The following IQCH variants were observed in gnomAD, a reference collection of about 807,000 sequenced individuals.
IQCH encodes IQ motif containing H.
In IQCH, 98 loss-of-function variants were observed where a neutral mutation model predicts 117.0. That is an observed-to-expected ratio of 0.84 (90% CI 0.71 to 0.99). The LOEUF (loss-of-function observed/expected upper bound fraction) is 0.99. Ranked by LOEUF, IQCH falls within the 50% of genes least tolerant of loss-of-function variation. The pLI is 0.00. For synonymous variants in IQCH, 412 were observed against 448.2 expected (o/e 0.92, Z 1.02); for missense variants, 1,102 against 1,243.8 (o/e 0.89, Z 1.72).
At chr15:67,336,425 T>C (rs1345255862) in intron 4 of IQCH, among the ~76,000 whole-genome samples, 4 of 152,206 alleles carry the variant, frequency 2.6e-5, no homozygotes, top group African/African-American at 7.2e-5. Context: ...GTAACTGTAA[T>C]AAAAGCATTT....
intron 12 of IQCH, among the ~76,000 whole-genome samples, chr15:67,394,974 G>C (rs927857193): frequency 3.3e-5 from 5 of 152,142 alleles, no homozygotes; most frequent in Non-Finnish European, 5.9e-5. Flanking sequence ...AAGTGTTGCA[G>C]AGATGACTTG....
intron 4 of IQCH, among the ~76,000 whole-genome samples, chr15:67,287,490 AG>A (rs1966606199): frequency 6.6e-6 from 1 of 152,148 alleles, no homozygotes. Flanking sequence ...TTCATGGTTT[AG>A]ACATAGTAGG....
chr15:67,484,153 G>A (rs2083411168), intron 18 of IQCH, among the ~76,000 whole-genome samples: 2 of 152,148 alleles, frequency 1.3e-5, no homozygotes, highest in South Asian at 4.1e-4. Flanking sequence ...TGTAATCCCA[G>A]GCATGGGATT....
chr15:67,269,819 TG>T (rs1389056385), intron 3 of IQCH, among the ~76,000 whole-genome samples: 70 of 152,318 alleles, frequency 4.6e-4, no homozygotes, highest in Admixed American at 2.0e-4. Flanking sequence ...AGGATTCCTT[TG>T]TTTTTTATGG....
intron 6 of IQCH, among the ~76,000 whole-genome samples, chr15:67,355,337 A>G (rs1168679786): frequency 6.6e-6 from 1 of 152,182 alleles, no homozygotes; most frequent in African/African-American, 2.4e-5. Context: ...CTGTAATGCC[A>G]GCACTTTGGG....
intron 4 of IQCH, among the ~76,000 whole-genome samples, chr15:67,316,156 A>G (rs964244099): frequency 3.3e-5 from 5 of 152,110 alleles, no homozygotes; most frequent in Non-Finnish European, 5.9e-5. Flanking sequence ...AGAAAACTCA[A>G]TTTTCTGAGT....
At chr15:67,492,002 T>G (rs1260436192) in intron 19 of IQCH, among the ~76,000 whole-genome samples, 2 of 152,060 alleles carry the variant, frequency 1.3e-5, no homozygotes, top group Non-Finnish European at 2.9e-5. Context: ...AGCAGTTCAC[T>G]AGTAGCCAGA....
At chr15:67,389,135 G>A in intron 12 of IQCH, 129 bp downstream of exon 12, 1 of 701,570 alleles carries the variant, frequency 1.4e-6, no homozygotes, top group Admixed American at 2.7e-5. Context: ...TTACTGATTA[G>A]ACTACTAGTT....
At chr15:67,283,702 G>A (rs1474388912) in intron 4 of IQCH, among the ~76,000 whole-genome samples, 3 of 151,690 alleles carry the variant, frequency 2.0e-5, no homozygotes, top group Non-Finnish European at 2.9e-5. Flanking sequence ...TTTTTGTTTC[G>A]ATATAAAAGT....
At chr15:67,266,557 T>C (rs533538330) in intron 3 of IQCH, among the ~76,000 whole-genome samples, 3 of 152,278 alleles carry the variant, frequency 2.0e-5, no homozygotes, top group African/African-American at 7.2e-5. Flanking sequence ...CTCAGGAGGC[T>C]GAGGCAGGAG....
intron 16 of IQCH, among the ~76,000 whole-genome samples, chr15:67,462,104 C>T (rs1002551088): frequency 1.8e-4 from 27 of 151,476 alleles, no homozygotes; most frequent in Non-Finnish European, 1.2e-4. Flanking sequence ...GCTGAAGTTA[C>T]AGGCATGAGC....
At chr15:67,274,903 A>G (rs909489742) in intron 3 of IQCH, among the ~76,000 whole-genome samples, 5 of 152,106 alleles carry the variant, frequency 3.3e-5, no homozygotes, top group African/African-American at 1.2e-4. Context: ...ATTTGTGTCA[A>G]ATCTAATAAA....
At chr15:67,259,892 G>C (rs1369958790) in intron 1 of IQCH, among the ~76,000 whole-genome samples, 3 of 152,226 alleles carry the variant, frequency 2.0e-5, no homozygotes, top group African/African-American at 7.2e-5. Context: ...CAATCTGTGA[G>C]CTCTGAAGGC....
At position 67,411,116 on chromosome 15, in the gene IQCH, G is replaced by T. The variant is rs1336263469; in HGVS notation, c.2098-5815G>T. Among the ~76,000 whole-genome samples the T allele has an allele frequency of 1.3e-5, 2 of 152,084 alleles. No individual in the cohort carries two copies. Among genetic ancestry groups the T allele is most frequent in the Non-Finnish European group, 1.5e-5 (1 of 68,020 alleles). On this transcript the variant is annotated intron_variant, in intron 14 of 20. Transcript: ENST00000335894. This position sits in a 1 kb window ranked among gnomAD's most constrained non-coding sequence, Gnocchi z 4.4. ...ATAAAGCCTAAAAAGTGACTAAAAT[G>T]TATCCTGTGCACACGGAGGCAGCCC...
intron 4 of IQCH, among the ~76,000 whole-genome samples, chr15:67,308,333 C>T (rs1457928503): frequency 1.3e-5 from 2 of 152,128 alleles, no homozygotes; most frequent in Non-Finnish European, 2.9e-5. Flanking sequence ...CAGCAGACAA[C>T]AATCAGATGC....
intron 4 of IQCH, among the ~76,000 whole-genome samples, chr15:67,299,480 A>G (rs888729321): frequency 2.2e-4 from 34 of 152,106 alleles, no homozygotes; most frequent in Non-Finnish European, 2.9e-5. Flanking sequence ...GCTTGAGGTG[A>G]TGGATATCCC....
At chr15:67,347,471 C>T (rs959545571) in intron 6 of IQCH, among the ~76,000 whole-genome samples, 8 of 151,928 alleles carry the variant, frequency 5.3e-5, no homozygotes, top group African/African-American at 1.9e-4. Context: ...CCTAAGCTCA[C>T]TCCAGAAGAA....
rs954652464 is a variant in IQCH, at chr15:67,473,085, C to G, written c.2677-2611C>G. ...TGGCTGGGGTCTGGTCTTGGTTTTTCTTGTTTATATACTATGGCAGCATCA... is the reference window on the plus strand; with the variant it reads ...TGGCTGGGGTCTGGTCTTGGTTTTTGTTGTTTATATACTATGGCAGCATCA... On this transcript the variant is annotated intron_variant, in intron 17 of 20. Transcript: ENST00000335894. This position sits in a 1 kb window ranked among gnomAD's most constrained non-coding sequence, Gnocchi z 4.9. Among the ~76,000 whole-genome samples, 2 of 152,174 alleles carry G rather than the reference C, an allele frequency of 1.3e-5. No individual in the cohort carries two copies. The highest frequency in any genetic ancestry group is 2.9e-5 in the Non-Finnish European group (2 of 68,032).
At chr15:67,303,814 T>C (rs950161158) in intron 4 of IQCH, among the ~76,000 whole-genome samples, 1 of 152,182 alleles carries the variant, frequency 6.6e-6, no homozygotes, top group African/African-American at 2.4e-5. Context: ...TTTTTTCTAA[T>C]GAAAGCATAA....
Sources: allele counts gnomAD v4.1 joint callset (sites outside exome capture counted in the v4.1 genomes callset), GRCh38; gene constraint gnomAD v4.1.1; non-coding constraint Gnocchi (gnomAD v3.1); transcripts MANE v1.5; gene names NCBI Gene and HGNC (gene_info 2026-07-23, HGNC 2026-07-21).